The following ZNF507 variants were observed in gnomAD, a reference collection of about 807,000 sequenced individuals.
ZNF507 encodes zinc finger protein 507.
Under a neutral mutation model 80.0 loss-of-function variants are expected in ZNF507, and 29 were observed. The ratio of observed to expected loss-of-function variants is 0.36; its 90% confidence interval spans 0.27 to 0.49. The LOEUF (loss-of-function observed/expected upper bound fraction) is 0.49, where lower values mean the gene tolerates loss of function less well. Among genes scored for constraint, ZNF507 ranks in the 20% least tolerant of loss-of-function variants. The probability of loss-of-function intolerance (pLI) is 0.98; values close to 1 mark genes in which losing one functional copy is unlikely to be tolerated. For missense variants in ZNF507, 1,081 were observed against 1,152.2 expected (o/e 0.94, Z 0.90); for synonymous variants, 462 against 422.5 (o/e 1.09, Z -1.15).
intron 5 of ZNF507, among the ~76,000 whole-genome samples, chr19:32,367,040 T>C (rs577507652): frequency 5.4e-4 from 82 of 152,352 alleles, no homozygotes; most frequent in African/African-American, 1.9e-3. Flanking sequence ...CTGGGTAATT[T>C]ATAAAGAAGA....
At chr19:32,363,163 G>A (rs919804310) in intron 5 of ZNF507, among the ~76,000 whole-genome samples, 3 of 152,224 alleles carry the variant, frequency 2.0e-5, no homozygotes, top group Admixed American at 6.5e-5. Context: ...ATTCAGTTTC[G>A]TTGCCTGGTG....
At chr19:32,361,656 TCCTTCTTTTCTTCCTTCCTTC>T (rs1446399508) in intron 5 of ZNF507, among the ~76,000 whole-genome samples, 1 of 149,128 alleles carries the variant, frequency 6.7e-6, no homozygotes, top group Non-Finnish European at 1.5e-5. Context: ...TTTCCTTCCT[TCCTTCTTTTCTTCCTTCCTTC>T]CTTTCCTTCC....
intron 5 of ZNF507, among the ~76,000 whole-genome samples, chr19:32,378,072 G>T (rs1207122530): frequency 6.6e-6 from 1 of 152,162 alleles, no homozygotes; most frequent in East Asian, 1.9e-4. Context: ...AGGCAAGTTG[G>T]CCGGGCTTGG....
At position 32,384,864 on chromosome 19, in the gene ZNF507, T is replaced by C. The variant is rs528855665; in HGVS notation, c.*1781T>C. The C allele has an allele frequency of 6.6e-6, 1 of 152,328 alleles. No homozygotes were observed. Among genetic ancestry groups the C allele is most frequent in the South Asian group, 2.1e-4 (1 of 4,822 alleles). The allele number at this position is 152,328 out of a possible 1,614,324, so 9.4% of individuals were successfully genotyped here. ...TTTAAAAATATGAAATGGATTTATA[T>C]ATACTATATTCCTCAAATCCACTGT... On this transcript the variant is annotated 3_prime_UTR_variant, in exon 7 of 7. Coordinates refer to ENST00000355898, the MANE Select transcript of ZNF507 (RefSeq NM_001136156.2).
intron 5 of ZNF507, among the ~76,000 whole-genome samples, chr19:32,364,105 G>A (rs1225209721): frequency 1.3e-5 from 2 of 152,164 alleles, no homozygotes. Flanking sequence ...TGCATTGAAG[G>A]GGCTTGTTCC....
chr19:32,369,972 TA>T (rs1288715622), intron 5 of ZNF507, among the ~76,000 whole-genome samples: 1 of 152,158 alleles, frequency 6.6e-6, no homozygotes, highest in Non-Finnish European at 1.5e-5. Flanking sequence ...GATTTTTAAG[TA>T]AGATTGAACA....
At position 32,352,687 on chromosome 19, in the gene ZNF507, C is replaced by T. The variant is rs73565314; in HGVS notation, c.-2-142C>T. The stretch of plus-strand genomic sequence containing the variant: ...AATTTAAATCTATACTGGGGATCGC[C>T]GGGTGTGTGGACATGGAGCTTCCAG... On this transcript the variant is annotated intron_variant, in intron 2 of 6. Transcript: ENST00000355898. 681 of 640,758 alleles carry T rather than the reference C, an allele frequency of 1.1e-3. 4 individuals are homozygous for T. The African/African-American group carries it at 0.011, about 11-fold the overall frequency. 39.7% of individuals were successfully genotyped at this position (640,758 alleles called of 1,614,324 possible).
intron 3 of ZNF507, among the ~76,000 whole-genome samples, chr19:32,355,608 G>A (rs1046921066): frequency 1.3e-5 from 2 of 152,156 alleles, no homozygotes; most frequent in South Asian, 2.1e-4. Context: ...TAAAGGAAAC[G>A]TTGAATCATT....
In ZNF507 at chr19:32,354,127, A is replaced by G. The variant is rs1359399995; in HGVS notation, c.1297A>G (p.Ile433Val). The change falls in exon 3 of 7, where the codon ATT (isoleucine) becomes GTT (valine). Residue 433 changes from isoleucine to valine, a missense_variant. Ile to Val is a conservative substitution (Grantham distance 29). Around this residue, in one of 6 missense-constraint regions of ZNF507, gnomAD observed 614 missense variants for 583.9 expected, o/e 1.05. Coordinates refer to ENST00000355898, the MANE Select transcript of ZNF507 (RefSeq NM_001136156.2). Reference sequence around the variant, plus strand: ...GGACCTGAGCCTGACAGAAGCTCAGATTGGGCGCGAAGGAATGGATGATGT... The same window carrying G: ...GGACCTGAGCCTGACAGAAGCTCAGGTTGGGCGCGAAGGAATGGATGATGT... ...GKDLSLTEAQIGREGMDDVYR... is the reference protein window; with the variant it reads ...GKDLSLTEAQVGREGMDDVYR... 6.2e-7 allele frequency: 1 copy of G among 1,613,534 alleles called. No homozygotes were observed. Among genetic ancestry groups the G allele is most frequent in the African/African-American group, 1.3e-5 (1 of 75,032 alleles).
intron 5 of ZNF507, among the ~76,000 whole-genome samples, chr19:32,366,212 T>C (rs1967396560): frequency 6.6e-6 from 1 of 152,136 alleles, no homozygotes; most frequent in Non-Finnish European, 1.5e-5. Flanking sequence ...TCTAAATTTT[T>C]TAAATAGATT....
In ZNF507 at chr19:32,356,710, C is replaced by T. The variant is rs1053872848; in HGVS notation, c.2222C>T (p.Ala741Val). ...GAGCCAAGAATTTCCAGTGATACAG[C>T]TGATGGAAAATGTGTCCAGGAAGGT... ...SNEPRISSDT[A>V]DGKCVQEGNK... The change falls in exon 4 of 7, where the codon GCT becomes GTT. Residue 741 changes from alanine (A) to valine (V), a missense_variant. Physicochemically the swap from Ala to Val is moderately conservative, Grantham distance 64. Around this residue, in one of 6 missense-constraint regions of ZNF507, gnomAD observed 614 missense variants for 583.9 expected, o/e 1.05. Coordinates refer to ENST00000355898, the MANE Select transcript of ZNF507 (RefSeq NM_001136156.2). 5.6e-6 allele frequency: 9 copies of T among 1,613,560 alleles called. No individual in the cohort carries two copies. The highest frequency in any genetic ancestry group is 6.8e-6 in the Non-Finnish European group (8 of 1,179,590).
At chr19:32,376,938 C>T (rs900622506) in intron 5 of ZNF507, among the ~76,000 whole-genome samples, 59 of 152,098 alleles carry the variant, frequency 3.9e-4, no homozygotes, top group Non-Finnish European at 7.6e-4. Flanking sequence ...AGACAGCTTA[C>T]GCCATTATTT....
At chr19:32,363,697 G>C (rs1383661333) in intron 5 of ZNF507, among the ~76,000 whole-genome samples, 4 of 152,162 alleles carry the variant, frequency 2.6e-5, no homozygotes, top group Non-Finnish European at 4.4e-5. Flanking sequence ...GGTAGTTACT[G>C]GGCCCAGCTT....
At chr19:32,361,323 A>G (rs1967318980) in intron 5 of ZNF507, among the ~76,000 whole-genome samples, 1 of 152,216 alleles carries the variant, frequency 6.6e-6, no homozygotes, top group Non-Finnish European at 1.5e-5. Context: ...GGCAATGCGC[A>G]TGAACTTTCA....
chr19:32,353,494 C>T lies in ZNF507; in HGVS notation c.664C>T (p.Gln222Ter). The change falls in exon 3 of 7, where the codon CAG (glutamine) becomes TAG (stop). Residue 222 changes from glutamine (Q) to a stop codon, truncating the protein, a stop_gained. Transcript: ENST00000355898. LOFTEE classifies it high-confidence loss of function. Reference protein sequence around the residue: ...PDIPVSVDNLQTHTVQTASVA... With the variant: ...PDIPVSVDNL Reference sequence around the variant, plus strand: ...TATCCCAGTAAGTGTGGACAATCTACAGACTCATACTGTCCAAACTGCATC... The same window carrying T: ...TATCCCAGTAAGTGTGGACAATCTATAGACTCATACTGTCCAAACTGCATC... 1 of 1,614,230 alleles carries T rather than the reference C, an allele frequency of 6.2e-7. No individual in the cohort carries two copies. The highest frequency in any genetic ancestry group is 8.5e-7 in the Non-Finnish European group (1 of 1,180,046).
chr19:32,356,790 C>A, intron 4 of ZNF507, 57 bp downstream of exon 4: 1 of 1,336,776 alleles, frequency 7.5e-7, no homozygotes, highest in Non-Finnish European at 1.1e-6. Flanking sequence ...ATAAAAGTGC[C>A]CTTAGTTGTC....
chr19:32,384,975 T>A lies in ZNF507; in HGVS notation c.*1892T>A, dbSNP rs1371933721. 1 of 152,156 alleles carries A rather than the reference T, an allele frequency of 6.6e-6. No homozygotes were observed. The highest frequency in any genetic ancestry group is 1.5e-5 in the Non-Finnish European group (1 of 68,020). The allele number at this position is 152,156 out of a possible 1,614,324, so 9.4% of individuals were successfully genotyped here. A position where few individuals can be genotyped will look rare whatever the true frequency, so the allele number is the denominator to read the frequency against. The stretch of plus-strand genomic sequence containing the variant: ...AAATAGAACATTTAAAATGATTTCA[T>A]TATTATTACCCATACTGTTGCCACT... On this transcript the variant is annotated 3_prime_UTR_variant, in exon 7 of 7. Transcript: ENST00000355898.
chr19:32,381,254 G>A (rs550311958), intron 5 of ZNF507, among the ~76,000 whole-genome samples: 194 of 152,098 alleles, frequency 1.3e-3, no homozygotes, highest in Non-Finnish European at 2.4e-3. Context: ...GCATTTTTAG[G>A]GCAGTGAAAC....
At position 32,360,544 on chromosome 19, in the gene ZNF507, G is replaced by A. The variant is rs1317132368; in HGVS notation, c.2286G>A (p.Val762=). The change falls in exon 5 of 7, where the codon GTG becomes GTA. Residue 762 remains valine, a synonymous_variant. Coordinates refer to ENST00000355898, the MANE Select transcript of ZNF507 (RefSeq NM_001136156.2). ...SSVQKQYRCD[V]CDYTSTTYVG... ...TCCAGAAACAATATAGATGTGATGT[G>A]TGTGATTATACAAGTACAACATATG... 7 of 1,601,794 alleles carry A rather than the reference G, an allele frequency of 4.4e-6. No individual in the cohort carries two copies. The highest frequency in any genetic ancestry group is 2.3e-5 in the East Asian group (1 of 44,236).
Sources: allele counts gnomAD v4.1 joint callset (sites outside exome capture counted in the v4.1 genomes callset), GRCh38; gene constraint gnomAD v4.1.1; regional missense constraint gnomAD v4.1.1; transcripts MANE v1.5; gene names NCBI Gene and HGNC (gene_info 2026-07-23, HGNC 2026-07-21).